YME1L1: variants seen among roughly 807,000 people sequenced by gnomAD.
YME1L1 encodes YME1 like 1 ATPase.
A neutral mutation model predicts 90.4 loss-of-function variants in YME1L1; 39 were observed. The observed-to-expected ratio is 0.43, with a 90% CI of 0.33 to 0.56. The LOEUF is 0.56. Ranked by LOEUF, YME1L1 falls within the 20% of genes least tolerant of loss-of-function variation. YME1L1 has a pLI of 0.03. For synonymous variants in YME1L1, 284 were observed against 287.3 expected (o/e 0.99, Z 0.12); for missense variants, 617 against 868.4 (o/e 0.71, Z 3.64).
intron 9 of YME1L1, 53 bp downstream of exon 9, chr10:27,126,642 GT>G: frequency 2.0e-6 from 2 of 988,612 alleles, no homozygotes; most frequent in South Asian, 3.5e-5. Context: ...TTTTTTGTTT[GT>G]TTCTTTGTTT....
chr10:27,154,154 A>T lies in YME1L1; in HGVS notation c.33+24T>A, dbSNP rs2274637. On this transcript the variant is annotated intron_variant, in intron 1 of 18. Transcript: ENST00000376016. Reference sequence around the variant, plus strand: ...GCCACGGGCAGGGCGGGAGGAAAAAAAATGGGCTGAATGCCTGGCTTACCT... The same window carrying T: ...GCCACGGGCAGGGCGGGAGGAAAAATAATGGGCTGAATGCCTGGCTTACCT... 0.088 allele frequency: 138,770 copies of T among 1,579,956 alleles called. 7,712 individuals carry two copies. The highest frequency in any genetic ancestry group is 0.28 in the East Asian group (11,934 of 43,354).
At chr10:27,136,859 G>T (rs537528507) in intron 4 of YME1L1, among the ~76,000 whole-genome samples, 1 of 152,070 alleles carries the variant, frequency 6.6e-6, no homozygotes, top group South Asian at 2.1e-4. Flanking sequence ...CTAACCTCAG[G>T]TGATCCACCT....
chr10:27,121,137 TCAC>T (rs1175385424), intron 12 of YME1L1, among the ~76,000 whole-genome samples: 1 of 152,190 alleles, frequency 6.6e-6, no homozygotes, highest in Non-Finnish European at 1.5e-5. Flanking sequence ...TGTACAACCA[TCAC>T]CACAATCTAA....
intron 11 of YME1L1, among the ~76,000 whole-genome samples, chr10:27,121,952 T>C (rs2135852361): frequency 6.6e-6 from 1 of 152,262 alleles, no homozygotes; most frequent in South Asian, 2.1e-4. Context: ...GCCAGGTTGG[T>C]CTTGAACTCC....
At chr10:27,150,267 T>C (rs1393989530) in intron 1 of YME1L1, among the ~76,000 whole-genome samples, 2 of 152,154 alleles carry the variant, frequency 1.3e-5, no homozygotes, top group Admixed American at 6.6e-5. Flanking sequence ...TCTTATTATA[T>C]ACCAGGTTTA....
At chr10:27,141,325 A>G (rs1463746997) in intron 4 of YME1L1, among the ~76,000 whole-genome samples, 7 of 151,944 alleles carry the variant, frequency 4.6e-5, no homozygotes. Context: ...GAACCCAGGA[A>G]GTGCCACTGC....
Position 27,117,574 on chromosome 10 carries a change from A to G in YME1L1, c.1719+2T>C. On this transcript the variant is annotated splice_donor_variant, in intron 15 of 18. Coordinates refer to ENST00000376016, the MANE Select transcript of YME1L1 (RefSeq NM_014263.4). LOFTEE classifies it high-confidence loss of function. ...CAGGGCGAGACACTACAAAAAACTT[A>G]CATGTCCAAGTGTTGGCCCCCGTGG... 6.2e-7 allele frequency: 1 copy of G among 1,613,040 alleles called. No homozygotes were observed. Among genetic ancestry groups the G allele is most frequent in the Non-Finnish European group, 8.5e-7 (1 of 1,179,734 alleles).
chr10:27,150,033 G>A (rs1032960995), intron 1 of YME1L1, among the ~76,000 whole-genome samples: 3 of 151,910 alleles, frequency 2.0e-5, no homozygotes, highest in Non-Finnish European at 4.4e-5. Flanking sequence ...CCAAGATCAT[G>A]CCATTGCATT....
chr10:27,124,431 C>G (rs2056897315), intron 9 of YME1L1, among the ~76,000 whole-genome samples: 1 of 152,044 alleles, frequency 6.6e-6, no homozygotes, highest in Non-Finnish European at 1.5e-5. Flanking sequence ...GTTAGAAAAA[C>G]AGAATTACCT....
At position 27,148,924 on chromosome 10, in the gene YME1L1, A is replaced by T; in HGVS notation, c.150T>A (p.His50Gln). 1 of 1,613,926 alleles carries T rather than the reference A, an allele frequency of 6.2e-7. No homozygotes were observed. Among genetic ancestry groups the T allele is most frequent in the Non-Finnish European group, 8.5e-7 (1 of 1,179,978 alleles). ...GACTTACCTCACTGCTGGGAGCCTC[A>T]TGCTCAGGAACTACATCTCGATGCT... ...QNQHRDVVPEHEAPSSEPSLN... is the reference protein window; with the variant it reads ...QNQHRDVVPEQEAPSSEPSLN... The change falls in exon 2 of 19, where the codon CAT becomes CAA. Residue 50 changes from histidine (H) to glutamine (Q), a missense_variant. His to Gln is a conservative substitution (Grantham distance 24). Around this residue, in one of 4 missense-constraint regions of YME1L1, gnomAD observed 311 missense variants for 335.8 expected, o/e 0.93. Coordinates refer to ENST00000376016, the MANE Select transcript of YME1L1 (RefSeq NM_014263.4).
intron 13 of YME1L1, 113 bp downstream of exon 13, chr10:27,120,322 C>G: frequency 1.5e-6 from 1 of 686,942 alleles, no homozygotes; most frequent in African/African-American, 1.8e-5. Context: ...AAAAAAAAGA[C>G]AAAAATGAAC....
At chr10:27,137,703 T>C (rs2057043691) in intron 4 of YME1L1, among the ~76,000 whole-genome samples, 1 of 152,154 alleles carries the variant, frequency 6.6e-6, no homozygotes, top group Admixed American at 6.6e-5. Context: ...TGTGGGAAAA[T>C]TTTGAAAAGC....
intron 8 of YME1L1, among the ~76,000 whole-genome samples, chr10:27,127,056 T>G (rs1182352010): frequency 6.6e-6 from 1 of 152,212 alleles, no homozygotes; most frequent in Admixed American, 6.5e-5. Context: ...AAAAGTCAAG[T>G]ACATTGGACA....
At chr10:27,141,363 C>A (rs779453816) in intron 4 of YME1L1, among the ~76,000 whole-genome samples, 1 of 152,102 alleles carries the variant, frequency 6.6e-6, no homozygotes, top group Non-Finnish European at 1.5e-5. Context: ...AAGAGGAAAA[C>A]TCCATCTCAA....
intron 1 of YME1L1, among the ~76,000 whole-genome samples, chr10:27,152,118 G>A (rs960220715): frequency 1.3e-5 from 2 of 151,570 alleles, no homozygotes; most frequent in Non-Finnish European, 2.9e-5. Context: ...TTACAGCCTG[G>A]GGGCAGTAAA....
rs1237655672 is a variant in YME1L1 at position 27,131,041 on chromosome 10, TGTTCCTTTGGTCAGAAAC to T, written c.858+800_858+817del. ...ATTACTTGAGAGCCTTTGCTCAAAC[TGTTCCTTTGGTCAGAAAC>T]GTTCCTTTCTCAGATAAATGCAGTT... On this transcript the variant is annotated intron_variant, in intron 8 of 18. Coordinates refer to ENST00000376016, the MANE Select transcript of YME1L1 (RefSeq NM_014263.4). Among the ~76,000 whole-genome samples, 3 of 152,222 alleles carry T rather than the reference TGTTCCTTTGGTCAGAAAC, an allele frequency of 2.0e-5. No homozygotes were observed. In the East Asian group the frequency reaches 5.8e-4, roughly 29 times the overall value.
intron 18 of YME1L1, 42 bp downstream of exon 18, chr10:27,114,479 A>C: frequency 6.5e-7 from 1 of 1,532,486 alleles, no homozygotes; most frequent in Non-Finnish European, 9.0e-7. Context: ...ATTTAAGCAC[A>C]TTGTTCCTAA....
chr10:27,134,110 C>T lies in YME1L1; in HGVS notation c.704G>A (p.Arg235Gln), dbSNP rs1172430825. 7.4e-6 allele frequency: 12 copies of T among 1,611,878 alleles called. No homozygotes were observed. Among genetic ancestry groups the T allele is most frequent in the South Asian group, 1.1e-5 (1 of 90,780 alleles). The change falls in exon 7 of 19, where the codon CGA becomes CAA. Residue 235 changes from arginine (R) to glutamine (Q), a missense_variant. By Grantham distance (43) the Arg-to-Gln change is conservative (BLOSUM62 1). Coordinates refer to ENST00000376016, the MANE Select transcript of YME1L1 (RefSeq NM_014263.4). The part of the protein sequence containing the change: ...LTQKTNDSLR[R>Q]TRLILFVLLL... ...CAGAACGAAGAGAATCAGACGGGTT[C>T]GCCTTAGGGAATCTAGGAGAGAAAG...
At chr10:27,140,087 T>C (rs1387841980) in intron 4 of YME1L1, among the ~76,000 whole-genome samples, 2 of 152,056 alleles carry the variant, frequency 1.3e-5, no homozygotes, top group Non-Finnish European at 2.9e-5. Flanking sequence ...GAAACTTCCA[T>C]CTCCCAGGTT....
Sources: gnomAD v4.1 joint callset for allele counts (sites outside exome capture counted in the v4.1 genomes callset) on GRCh38, gnomAD v4.1.1 for gene constraint, gnomAD v4.1.1 regional missense constraint, MANE v1.5 for transcripts, NCBI Gene and HGNC (gene_info 2026-07-23, HGNC 2026-07-21) for gene names.